Variants in NCOA2 observed in about 807,000 individuals in gnomAD.
NCOA2 encodes the protein nuclear receptor coactivator 2.
A neutral mutation model predicts 145.1 loss-of-function variants in NCOA2; 21 were observed. The ratio of observed to expected loss-of-function variants is 0.14; its 90% CI spans 0.10 to 0.21. The LOEUF (loss-of-function observed/expected upper bound fraction) is 0.21. Ranked by LOEUF, NCOA2 falls within the 10% of genes least tolerant of loss-of-function variation. The pLI is 1.00. For missense variants in NCOA2, 1,472 were observed against 1,837.6 expected, an observed-to-expected ratio of 0.80 and a Z score of 3.64; for synonymous variants, 619 against 637.5, an observed-to-expected ratio of 0.97 and a Z score of 0.44.
At chr8:70,305,068 T>G (rs867278830) in intron 1 of NCOA2, among the ~76,000 whole-genome samples, 1 of 145,672 alleles carries the variant, frequency 6.9e-6, no homozygotes, top group African/African-American at 2.6e-5. Flanking sequence ...TTTTTTTTTG[T>G]AGAGATGGGG....
intron 4 of NCOA2, among the ~76,000 whole-genome samples, chr8:70,185,207 G>A (rs753560322): frequency 5.3e-5 from 8 of 152,144 alleles, no homozygotes; most frequent in East Asian, 1.9e-4. Context: ...GCTTACTACC[G>A]TCTATTCCCA....
chr8:70,315,954 T>C (rs1438872864), intron 1 of NCOA2, among the ~76,000 whole-genome samples: 1 of 152,156 alleles, frequency 6.6e-6, no homozygotes, highest in Non-Finnish European at 1.5e-5. Context: ...TATAATATTA[T>C]GGTAGGCAGG....
intron 1 of NCOA2, among the ~76,000 whole-genome samples, chr8:70,334,028 C>T (rs1807339556): frequency 6.6e-6 from 1 of 152,048 alleles, no homozygotes; most frequent in Non-Finnish European, 1.5e-5. Flanking sequence ...TTTGAACTAC[C>T]CAGTCTTTCT....
At chr8:70,178,779 G>A (rs1815150160) in intron 4 of NCOA2, among the ~76,000 whole-genome samples, 1 of 152,204 alleles carries the variant, frequency 6.6e-6, no homozygotes, top group South Asian at 2.1e-4. Context: ...TGCAGGATAT[G>A]CAAGTGGACA....
At chr8:70,341,313 G>A (rs1406654586) in intron 1 of NCOA2, among the ~76,000 whole-genome samples, 1 of 152,126 alleles carries the variant, frequency 6.6e-6, no homozygotes, top group Non-Finnish European at 1.5e-5. Flanking sequence ...CTTAAGCCCA[G>A]GAGTTTGAGG....
At chr8:70,307,763 C>T (rs1369628790) in intron 1 of NCOA2, among the ~76,000 whole-genome samples, 1 of 152,202 alleles carries the variant, frequency 6.6e-6, no homozygotes, top group African/African-American at 2.4e-5. Context: ...GTAACCTGAG[C>T]TCAGCAGATT....
At chr8:70,145,446 T>G (rs1171132858) in intron 12 of NCOA2, among the ~76,000 whole-genome samples, 1 of 152,072 alleles carries the variant, frequency 6.6e-6, no homozygotes, top group Non-Finnish European at 1.5e-5. Flanking sequence ...TGCCTCAGCC[T>G]CCCGAGTAGC....
chr8:70,345,991 G>A (rs941283425), intron 1 of NCOA2, among the ~76,000 whole-genome samples: 14 of 152,138 alleles, frequency 9.2e-5, no homozygotes, highest in African/African-American at 2.9e-4. Context: ...ACCTTTCCAG[G>A]CCTTGTCAGG....
At chr8:70,345,809 T>A (rs1433924843) in intron 1 of NCOA2, among the ~76,000 whole-genome samples, 2 of 152,136 alleles carry the variant, frequency 1.3e-5, no homozygotes, top group African/African-American at 2.4e-5. Flanking sequence ...AAAACATGAT[T>A]TAAGTTCAGG....
At chr8:70,206,117 G>C (rs1563618844) in intron 4 of NCOA2, among the ~76,000 whole-genome samples, 1 of 152,226 alleles carries the variant, frequency 6.6e-6, no homozygotes, top group East Asian at 1.9e-4. Context: ...CTCAGCCCAA[G>C]GGCTCTTATC....
At position 70,403,800 on chromosome 8, in the gene NCOA2, A is replaced by G; in HGVS notation, c.-177T>C. 1.0e-5 allele frequency: 4 copies of G among 397,482 alleles called. No homozygotes were observed. The highest frequency in any genetic ancestry group is 1.8e-5 in the Non-Finnish European group (4 of 225,466). The allele number at this position is 397,482 out of a possible 1,614,324, so 24.6% of individuals were successfully genotyped here. ...CTGCGGCCGCCATGTTCCCGTGTTA[A>G]TAACTGCTGCCTGGTTGTTTATTTC... is the stretch of plus-strand genomic sequence containing the variant. On this transcript the variant is annotated 5_prime_UTR_variant, in exon 1 of 23. Transcript: ENST00000452400.
chr8:70,417,236 C>T, the NCOA2 span, among the ~76,000 whole-genome samples: 3 of 83,126 alleles, frequency 3.6e-5, no homozygotes, highest in East Asian at 4.4e-4. Flanking sequence ...AGTGAGACCT[C>T]GTCTCTATTA....
At chr8:70,366,952 A>C (rs1298569938) in intron 1 of NCOA2, among the ~76,000 whole-genome samples, 2 of 152,328 alleles carry the variant, frequency 1.3e-5, no homozygotes, top group East Asian at 3.9e-4. Flanking sequence ...TCATAAAAGC[A>C]GAAGATTCAT....
At chr8:70,325,090 CTATCT>C (rs1806435639) in intron 1 of NCOA2, among the ~76,000 whole-genome samples, 1 of 152,108 alleles carries the variant, frequency 6.6e-6, no homozygotes, top group Non-Finnish European at 1.5e-5. Context: ...ACTGTTATTC[CTATCT>C]TAAGAATATG....
At chr8:70,278,277 G>A (rs1187326385) in intron 2 of NCOA2, among the ~76,000 whole-genome samples, 8 of 152,292 alleles carry the variant, frequency 5.3e-5, no homozygotes, top group South Asian at 4.1e-4. Flanking sequence ...TTCCACTGAA[G>A]TATATAGCAA....
intron 2 of NCOA2, among the ~76,000 whole-genome samples, chr8:70,263,389 G>A (rs1168961713): frequency 2.6e-5 from 4 of 151,798 alleles, no homozygotes; most frequent in East Asian, 1.9e-4. Flanking sequence ...ACAGTTGACC[G>A]CAGATAACTG....
chr8:70,122,719 G>A (rs771548438), intron 21 of NCOA2, among the ~76,000 whole-genome samples: 9 of 152,060 alleles, frequency 5.9e-5, no homozygotes, highest in Non-Finnish European at 1.2e-4. Flanking sequence ...TTTATTAATC[G>A]TTTTAAATAA....
rs1824006462 is a variant in NCOA2, at chr8:70,260,269, C to A, written c.-20+36475G>T. Among the ~76,000 whole-genome samples the A allele has an allele frequency of 2.0e-5, 3 of 152,140 alleles. No homozygotes were observed. In the South Asian group the frequency reaches 6.2e-4, roughly 32 times the overall value. ...CACAGCTCACCGCAGCCTCGACCTC[C>A]TGGGTTCAAGTGATCTCCCAACCCA... On this transcript the variant is annotated intron_variant, in intron 2 of 22. Transcript: ENST00000452400.
At chr8:70,445,825 A>G in the NCOA2 span, among the ~76,000 whole-genome samples, 1 of 152,222 alleles carries the variant, frequency 6.6e-6, no homozygotes, top group East Asian at 1.9e-4. Context: ...AAGAAGTAAG[A>G]AAGTTGCTTC....
Sources: gnomAD v4.1 joint callset for allele counts (sites outside exome capture counted in the v4.1 genomes callset) on GRCh38, gnomAD v4.1.1 for gene constraint, MANE v1.5 for transcripts, NCBI Gene and HGNC (gene_info 2026-07-23, HGNC 2026-07-21) for gene names.